Variants in SEPTIN9 observed in about 807,000 individuals in gnomAD.
SEPTIN9 encodes the protein septin-9.
In SEPTIN9, 13 loss-of-function variants were observed where a neutral mutation model predicts 56.6. The ratio of observed to expected loss-of-function variants is 0.23; its 90% confidence interval spans 0.15 to 0.37. The LOEUF (loss-of-function observed/expected upper bound fraction) is 0.37. Among genes scored for constraint, SEPTIN9 ranks in the 10% least tolerant of loss-of-function variants. SEPTIN9 has a pLI of 1.00. For missense variants in SEPTIN9, 650 were observed against 823.1 expected (o/e 0.79, Z 2.57); for synonymous variants, 332 against 334.1 (o/e 0.99, Z 0.07).
chr17:77,340,876 T>C (rs2033703813), intron 2 of SEPTIN9, among the ~76,000 whole-genome samples: 1 of 152,260 alleles, frequency 6.6e-6, no homozygotes, highest in African/African-American at 2.4e-5. Context: ...TTCCTTAAAC[T>C]TCATGACCTG....
intron 1 of SEPTIN9, among the ~76,000 whole-genome samples, chr17:77,301,937 A>G (rs1233631067): frequency 6.6e-6 from 1 of 152,164 alleles, no homozygotes; most frequent in East Asian, 1.9e-4. Flanking sequence ...TGCTCTGCCC[A>G]GGGGTTCAGA....
At chr17:77,325,443 C>T (rs1052418169) in intron 2 of SEPTIN9, among the ~76,000 whole-genome samples, 30 of 152,214 alleles carry the variant, frequency 2.0e-4, no homozygotes, top group Admixed American at 7.2e-4. Context: ...TGGGCCTGCA[C>T]TCGATCATCC....
Position 77,329,120 on chromosome 17 carries a change from G to C in SEPTIN9, c.76+21923G>C, listed in dbSNP as rs929490328. 1.1e-4 allele frequency among the ~76,000 whole-genome samples: 16 copies of C among 152,238 alleles called. No individual in the cohort carries two copies. The highest frequency in any genetic ancestry group is 3.3e-4 in the Admixed American group (5 of 15,290). ...GGCCAGGTCGTGCCGGGCCTTGGAG[G>C]CCCTGGTGAGGGCTTGATTTTATTC... On this transcript the variant is annotated intron_variant, in intron 2 of 11. Coordinates refer to ENST00000427177, the MANE Select transcript of SEPTIN9 (RefSeq NM_001113491.2). The surrounding 1 kb of genome is among the most constrained non-coding windows in gnomAD (Gnocchi z 4.3).
At chr17:77,363,824 T>C (rs2034492403) in intron 2 of SEPTIN9, among the ~76,000 whole-genome samples, 1 of 151,624 alleles carries the variant, frequency 6.6e-6, no homozygotes, top group Non-Finnish European at 1.5e-5. Flanking sequence ...GCCTTAGGAG[T>C]CCCCAGTTAC....
chr17:77,292,683 G>A (rs150516202), intron 1 of SEPTIN9, among the ~76,000 whole-genome samples: 2,108 of 152,078 alleles, frequency 0.014, 41 homozygotes, highest in African/African-American at 0.045. Flanking sequence ...TAGTAGAGAC[G>A]GGGTTTCCCT....
chr17:77,440,465 T>A (rs542221125), intron 3 of SEPTIN9, among the ~76,000 whole-genome samples: 11 of 152,338 alleles, frequency 7.2e-5, no homozygotes, highest in African/African-American at 2.6e-4. Flanking sequence ...TTCGTATATC[T>A]ATAAAAGAGA....
intron 2 of SEPTIN9, among the ~76,000 whole-genome samples, chr17:77,324,051 T>C (rs547755559): frequency 1.3e-5 from 2 of 152,332 alleles, no homozygotes; most frequent in Admixed American, 1.3e-4. Context: ...TCTGGCAGCT[T>C]CTGGCGGCTC....
At chr17:77,332,412 T>C (rs2033400520) in intron 2 of SEPTIN9, among the ~76,000 whole-genome samples, 1 of 152,148 alleles carries the variant, frequency 6.6e-6, no homozygotes, top group Admixed American at 6.5e-5. Context: ...GCCACCAGCA[T>C]CCACGCTGGT....
rs2037246149 is a variant in SEPTIN9 at position 77,433,955 on chromosome 17, A to T, written c.721+31252A>T. On this transcript the variant is annotated intron_variant, in intron 3 of 11. Coordinates refer to ENST00000427177, the MANE Select transcript of SEPTIN9 (RefSeq NM_001113491.2). The surrounding 1 kb of genome is among the most constrained non-coding windows in gnomAD (Gnocchi z 6.4). Reference sequence around the variant, plus strand: ...CTGTGGGGCCTCCCCCGATCGGGGGACTTCCCAGCACAGAGCTTTCTGGCC... The same window carrying T: ...CTGTGGGGCCTCCCCCGATCGGGGGTCTTCCCAGCACAGAGCTTTCTGGCC... Among the ~76,000 whole-genome samples the T allele has an allele frequency of 6.6e-6, 1 of 151,812 alleles. No homozygotes were observed. The highest frequency in any genetic ancestry group is 2.1e-4 in the South Asian group (1 of 4,812).
At chr17:77,301,446 A>C (rs1233126716) in intron 1 of SEPTIN9, among the ~76,000 whole-genome samples, 1 of 148,998 alleles carries the variant, frequency 6.7e-6, no homozygotes, top group Non-Finnish European at 1.5e-5. Flanking sequence ...GTGTTTTGAG[A>C]AAGAGTTTCG....
chr17:77,441,876 G>C (rs951737904), intron 3 of SEPTIN9, among the ~76,000 whole-genome samples: 5 of 152,150 alleles, frequency 3.3e-5, no homozygotes, highest in African/African-American at 1.2e-4. Context: ...TGAGAAACGG[G>C]GTCCAAATTG....
chr17:77,343,882 G>A (rs2033810863), intron 2 of SEPTIN9, among the ~76,000 whole-genome samples: 1 of 152,182 alleles, frequency 6.6e-6, no homozygotes, highest in Admixed American at 6.5e-5. Flanking sequence ...TATGCAAGAG[G>A]ACTCTAAGGA....
chr17:77,468,694 A>G (rs2144550282), intron 3 of SEPTIN9, among the ~76,000 whole-genome samples: 1 of 152,352 alleles, frequency 6.6e-6, no homozygotes, highest in South Asian at 2.1e-4. Flanking sequence ...GGAATCTGGT[A>G]TATCCCAGGT....
intron 2 of SEPTIN9, among the ~76,000 whole-genome samples, chr17:77,324,470 C>A (rs991253394): frequency 6.6e-6 from 1 of 152,090 alleles, no homozygotes; most frequent in Non-Finnish European, 1.5e-5. Flanking sequence ...CGGGCTTAGC[C>A]CCTGCAGGAA....
chr17:77,301,383 T>A (rs1327535082), intron 1 of SEPTIN9, among the ~76,000 whole-genome samples: 1 of 136,600 alleles, frequency 7.3e-6, no homozygotes, highest in South Asian at 2.7e-4. Context: ...AGAAAAAAAA[T>A]GGGAATAGAT....
At chr17:77,377,031 G>C (rs1301560309) in intron 2 of SEPTIN9, 2 of 152,292 alleles carry the variant, frequency 1.3e-5, no homozygotes. Flanking sequence ...CCCAGGAATG[G>C]AGAGGGTATC....
intron 2 of SEPTIN9, among the ~76,000 whole-genome samples, chr17:77,307,458 C>T (rs2099859551): frequency 6.6e-6 from 1 of 152,094 alleles, no homozygotes; most frequent in African/African-American, 2.4e-5. Flanking sequence ...CCCGTGTGTG[C>T]GGGACAGAGG....
intron 3 of SEPTIN9, among the ~76,000 whole-genome samples, chr17:77,462,513 G>A (rs929844553): frequency 3.3e-5 from 5 of 152,204 alleles, no homozygotes; most frequent in African/African-American, 1.2e-4. Flanking sequence ...CAAACTCCTG[G>A]GCTCGAGCAA....
At chr17:77,344,951 G>A (rs1275564165) in intron 2 of SEPTIN9, among the ~76,000 whole-genome samples, 12 of 125,278 alleles carry the variant, frequency 9.6e-5, no homozygotes, top group Non-Finnish European at 4.7e-5. Flanking sequence ...CAGCTTGGGC[G>A]ACAGAGCAAG....
Sources: gnomAD v4.1 joint callset for allele counts (sites outside exome capture counted in the v4.1 genomes callset) on GRCh38, gnomAD v4.1.1 for gene constraint, Gnocchi (gnomAD v3.1) non-coding constraint, MANE v1.5 for transcripts, NCBI Gene and HGNC (gene_info 2026-07-23, HGNC 2026-07-21) for gene names.